Variants in DEPDC7 observed in about 807,000 individuals in gnomAD.
DEPDC7 encodes the protein DEP domain containing 7.
DEPDC7 carries 41 observed loss-of-function variants against 56.6 expected under a neutral mutation model. The observed-to-expected ratio is 0.72, with a 90% CI of 0.56 to 0.94. The LOEUF is 0.94. Among genes scored for constraint, DEPDC7 ranks in the 40% least tolerant of loss-of-function variants. DEPDC7 has a pLI of 0.00. For synonymous variants in DEPDC7, 185 were observed against 208.8 expected (o/e 0.89, Z 0.98); for missense variants, 522 against 596.3 (o/e 0.88, Z 1.30).
rs745618873 is a variant in DEPDC7, at chr11:33,027,746, G to T, written c.525G>T (p.Trp175Cys). ...GATCAGCCAGTTTAGAGGACCTGTG[G>T]GAAAATCTGAGTTTAAAGCCTGCCA... ...DIRSASLEDL[W>C]ENLSLKPANS... The change falls in exon 3 of 9, where the codon TGG becomes TGT. Residue 175 changes from tryptophan to cysteine, a missense_variant. By Grantham distance (215) the Trp-to-Cys change is radical. Transcript: ENST00000241051. 2 of 1,576,462 alleles carry T rather than the reference G, an allele frequency of 1.3e-6. No homozygotes were observed. The highest frequency in any genetic ancestry group is 2.4e-5 in the South Asian group (2 of 84,034).
At chr11:33,016,185 G>A (rs1853457745) in intron 1 of DEPDC7, 157 bp downstream of exon 1, 3 of 1,262,016 alleles carry the variant, frequency 2.4e-6, no homozygotes, top group Non-Finnish European at 3.0e-6. Flanking sequence ...CTTGGCCAAC[G>A]CCCCCGCCGA....
At chr11:33,016,077 G>T (rs755834104) in intron 1 of DEPDC7, 49 bp downstream of exon 1, 2 of 1,378,330 alleles carry the variant, frequency 1.5e-6, no homozygotes, top group East Asian at 6.2e-5. Context: ...GGGCTGGGGT[G>T]CGCGGGCTGG....
At chr11:33,023,643 C>G (rs1376945742) in intron 1 of DEPDC7, among the ~76,000 whole-genome samples, 1 of 152,144 alleles carries the variant, frequency 6.6e-6, no homozygotes, top group Non-Finnish European at 1.5e-5. Flanking sequence ...AAGCAATTCT[C>G]TGCCTCAGCC....
intron 1 of DEPDC7, among the ~76,000 whole-genome samples, chr11:33,024,388 TA>T (rs1485766061): frequency 6.6e-6 from 1 of 152,194 alleles, no homozygotes; most frequent in African/African-American, 2.4e-5. Context: ...TAGGAGGCTT[TA>T]AAAATATTAG....
At chr11:33,025,164 C>A (rs958477242) in intron 1 of DEPDC7, among the ~76,000 whole-genome samples, 5 of 152,092 alleles carry the variant, frequency 3.3e-5, no homozygotes, top group African/African-American at 1.2e-4. Context: ...TCTGGCTGTG[C>A]GGACCTCCCT....
intron 3 of DEPDC7, chr11:33,028,032 C>G (rs1251562255): frequency 7.9e-6 from 3 of 380,694 alleles, no homozygotes; most frequent in East Asian, 8.7e-5. Context: ...GTCCGATCAG[C>G]TGGCAAAGGT....
chr11:33,022,152 A>G (rs1853530337), intron 1 of DEPDC7, among the ~76,000 whole-genome samples: 1 of 152,168 alleles, frequency 6.6e-6, no homozygotes, highest in South Asian at 2.1e-4. Flanking sequence ...TGAATCTTGC[A>G]TGTCTTCCTT....
Position 33,032,449 on chromosome 11 carries a change from A to G in DEPDC7, c.1108A>G (p.Asn370Asp). The G allele has an allele frequency of 6.4e-7, 1 of 1,565,504 alleles. No individual in the cohort carries two copies. The change falls in exon 6 of 9, where the codon AAT becomes GAT. Residue 370 changes from asparagine (N) to aspartate (D), a missense_variant. Asn to Asp is a conservative substitution (Grantham distance 23, BLOSUM62 1). Coordinates refer to ENST00000241051, the MANE Select transcript of DEPDC7 (RefSeq NM_001077242.2). Reference sequence around the variant, plus strand: ...ACTGTATTTCATGGCTGTTGCAGCAAATCCTTCTGAGTTTAAATTACAGAA... The same window carrying G: ...ACTGTATTTCATGGCTGTTGCAGCAGATCCTTCTGAGTTTAAATTACAGAA... Reference protein sequence around the residue: ...RLLYFMAVAANPSEFKLQKES... With the variant: ...RLLYFMAVAADPSEFKLQKES...
chr11:33,022,547 A>C (rs920073486), intron 1 of DEPDC7, among the ~76,000 whole-genome samples: 2 of 152,238 alleles, frequency 1.3e-5, no homozygotes, highest in Admixed American at 1.3e-4. Flanking sequence ...GTCATAGTGT[A>C]AATACTCAAA....
intron 3 of DEPDC7, 117 bp from the exon 4 acceptor site, chr11:33,028,486 C>A: frequency 1.3e-6 from 1 of 773,094 alleles, no homozygotes. Context: ...GTAAGGTTGA[C>A]TTTTTCTTTC....
chr11:33,021,616 G>C (rs1163542303), intron 1 of DEPDC7, among the ~76,000 whole-genome samples: 2 of 152,162 alleles, frequency 1.3e-5, no homozygotes, highest in African/African-American at 4.8e-5. Context: ...TCAAGTCCAG[G>C]GTACATTGTG....
intron 1 of DEPDC7, among the ~76,000 whole-genome samples, chr11:33,017,502 G>A (rs1412144246): frequency 6.6e-6 from 1 of 152,170 alleles, no homozygotes; most frequent in Non-Finnish European, 1.5e-5. Flanking sequence ...TGGTTATCAG[G>A]AATCAAAGGA....
chr11:33,015,945 G>A lies in DEPDC7; in HGVS notation c.-11G>A, dbSNP rs376201426. The A allele has an allele frequency of 6.2e-5, 97 of 1,571,560 alleles. No homozygotes were observed. In the African/African-American group the frequency reaches 1.2e-3, roughly 20 times the overall value. On this transcript the variant is annotated 5_prime_UTR_variant, in exon 1 of 9. Coordinates refer to ENST00000241051, the MANE Select transcript of DEPDC7 (RefSeq NM_001077242.2). ...GCTGCTGGAGGAGTTGGCGTCCGGG[G>A]AGCAAGGGCCATGGCCACCGTGCAG...
At chr11:33,026,097 T>G in intron 2 of DEPDC7, 48 bp downstream of exon 2, 1 of 1,603,320 alleles carries the variant, frequency 6.2e-7, no homozygotes, top group Non-Finnish European at 8.5e-7. Context: ...CAGGATTTTG[T>G]CTACCTTTTT....
Position 33,028,818 on chromosome 11 carries a change from T to G in DEPDC7, c.782+26T>G, listed in dbSNP as rs573258251. The G allele has an allele frequency of 1.9e-6, 3 of 1,542,740 alleles. No individual in the cohort carries two copies. In the African/African-American group the frequency reaches 4.1e-5, roughly 21 times the overall value. On this transcript the variant is annotated intron_variant, in intron 4 of 8. Coordinates refer to ENST00000241051, the MANE Select transcript of DEPDC7 (RefSeq NM_001077242.2). The stretch of plus-strand genomic sequence containing the variant: ...GTATGTGGAAATACATATAATAATT[T>G]GAGTGTGTTTGTAGGTAGATTGAGA...
intron 1 of DEPDC7, among the ~76,000 whole-genome samples, chr11:33,023,097 C>CG (rs2133660384): frequency 6.6e-6 from 1 of 151,804 alleles, no homozygotes; most frequent in African/African-American, 2.4e-5. Flanking sequence ...GGCGTGGTGG[C>CG]GGGCACCTGT....
At chr11:33,027,418 A>T (rs974922381) in intron 2 of DEPDC7, among the ~76,000 whole-genome samples, 2 of 152,210 alleles carry the variant, frequency 1.3e-5, no homozygotes, top group African/African-American at 4.8e-5. Context: ...AATGAAGTCC[A>T]GTTATGTTTG....
intron 4 of DEPDC7, among the ~76,000 whole-genome samples, chr11:33,030,532 C>T (rs549382564): frequency 6.6e-6 from 1 of 152,170 alleles, no homozygotes; most frequent in Admixed American, 6.5e-5. Flanking sequence ...TAACATTTTT[C>T]TGAAGTTACC....
At chr11:33,029,200 TAAAG>T (rs1239158411) in intron 4 of DEPDC7, among the ~76,000 whole-genome samples, 1 of 151,220 alleles carries the variant, frequency 6.6e-6, no homozygotes, top group Admixed American at 6.6e-5. Flanking sequence ...CTAGTTGTAT[TAAAG>T]AAATACAATA....
Sources: gnomAD v4.1 joint callset for allele counts (sites outside exome capture counted in the v4.1 genomes callset) on GRCh38, gnomAD v4.1.1 for gene constraint, MANE v1.5 for transcripts, NCBI Gene and HGNC (gene_info 2026-07-23, HGNC 2026-07-21) for gene names.